NOVA1: variants seen among roughly 807,000 people sequenced by gnomAD.
NOVA1 encodes the protein RNA-binding protein Nova-1.
In NOVA1, 7 loss-of-function variants were observed where a neutral mutation model predicts 38.0. That is an observed-to-expected ratio of 0.18 (90% CI 0.10 to 0.35). The LOEUF is 0.35. NOVA1 is among the 10% of genes least tolerant of loss of function. The pLI is 1.00. For synonymous variants in NOVA1, 270 were observed against 232.5 expected (o/e 1.16, Z -1.47); for missense variants, 460 against 616.0 (o/e 0.75, Z 2.68).
intron 2 of NOVA1, among the ~76,000 whole-genome samples, chr14:26,555,427 T>G (rs1891421119): frequency 6.6e-6 from 1 of 152,122 alleles, no homozygotes; most frequent in South Asian, 2.1e-4. Context: ...AATGTTCTCA[T>G]TCATTTAACA....
rs1881816020 is a variant in NOVA1 at position 26,443,151 on chromosome 14, G to C, written c.*4808C>G. 6.6e-6 allele frequency: 1 copy of C among 151,930 alleles called. No homozygotes were observed. Among genetic ancestry groups the C allele is most frequent in the South Asian group, 2.1e-4 (1 of 4,822 alleles). The allele number at this position is 151,930 out of a possible 1,614,324, so 9.4% of individuals were successfully genotyped here. A position where few individuals can be genotyped will look rare whatever the true frequency, so the allele number is the denominator to read the frequency against. ...ACAAATACAAATATGCATTTCTACA[G>C]AACTGTTTTAATTTTCCAAAATGAG... On this transcript the variant is annotated 3_prime_UTR_variant, in exon 5 of 5. Transcript: ENST00000539517.
At chr14:26,485,424 G>A (rs1885807746) in intron 2 of NOVA1, among the ~76,000 whole-genome samples, 1 of 151,992 alleles carries the variant, frequency 6.6e-6, no homozygotes, top group Non-Finnish European at 1.5e-5. Context: ...AGGGCACGTG[G>A]TAAAAGTTTT....
chr14:26,460,554 G>C (rs919065169), intron 4 of NOVA1, among the ~76,000 whole-genome samples: 1 of 151,578 alleles, frequency 6.6e-6, no homozygotes, highest in Admixed American at 6.6e-5. Context: ...TAAGAAATAT[G>C]AGCTAAACCA....
intron 2 of NOVA1, among the ~76,000 whole-genome samples, chr14:26,483,385 G>A (rs1009239811): frequency 1.3e-5 from 2 of 152,006 alleles, no homozygotes; most frequent in African/African-American, 4.8e-5. Flanking sequence ...CCCATCAGTA[G>A]GAAATATGTT....
At chr14:26,506,394 G>C (rs1452603650) in intron 2 of NOVA1, among the ~76,000 whole-genome samples, 1 of 152,090 alleles carries the variant, frequency 6.6e-6, no homozygotes, top group Non-Finnish European at 1.5e-5. Flanking sequence ...GACAAACTTG[G>C]GGAACAGATT....
At chr14:26,485,803 A>C (rs770798804) in intron 2 of NOVA1, among the ~76,000 whole-genome samples, 24 of 152,172 alleles carry the variant, frequency 1.6e-4, no homozygotes, top group Non-Finnish European at 2.8e-4. Context: ...ATAATTATTT[A>C]GGAAATATTA....
intron 2 of NOVA1, among the ~76,000 whole-genome samples, chr14:26,511,505 T>C (rs576232399): frequency 4.6e-5 from 7 of 152,106 alleles, no homozygotes; most frequent in Non-Finnish European, 1.0e-4. Context: ...CGGTGACTCA[T>C]GCCTGTAATC....
At chr14:26,490,855 T>G (rs1396382271) in intron 2 of NOVA1, among the ~76,000 whole-genome samples, 1 of 143,796 alleles carries the variant, frequency 7.0e-6, no homozygotes, top group Non-Finnish European at 1.5e-5. Flanking sequence ...TTTTTTTTTT[T>G]TTTTTTTTTT....
chr14:26,572,725 A>AGTGTGTGTGTGTGT (rs56021646), intron 2 of NOVA1, among the ~76,000 whole-genome samples: 2,911 of 138,494 alleles, frequency 0.021, 62 homozygotes, highest in Middle Eastern at 0.067. Context: ...AAGGAACCGC[A>AGTGTGTGTGTGTGT]GTGTGTGTGT....
intron 2 of NOVA1, among the ~76,000 whole-genome samples, chr14:26,561,651 T>C (rs1891833776): frequency 6.6e-6 from 1 of 152,202 alleles, no homozygotes; most frequent in African/African-American, 2.4e-5. Flanking sequence ...GTATTGAACA[T>C]AGTTTTTTTA....
chr14:26,473,352 AT>A (rs1884739147), intron 3 of NOVA1, among the ~76,000 whole-genome samples: 2 of 151,944 alleles, frequency 1.3e-5, no homozygotes, highest in South Asian at 4.1e-4. Flanking sequence ...GCAAAATAGC[AT>A]TGCTTATGTT....
chr14:26,533,773 T>C (rs1889884900), intron 2 of NOVA1, among the ~76,000 whole-genome samples: 1 of 152,180 alleles, frequency 6.6e-6, no homozygotes, highest in South Asian at 2.1e-4. Context: ...TATCTTTGCA[T>C]GCACAGCACC....
At chr14:26,548,809 A>C (rs1173162497) in intron 2 of NOVA1, among the ~76,000 whole-genome samples, 2 of 99,092 alleles carry the variant, frequency 2.0e-5, no homozygotes, top group African/African-American at 5.0e-5. Context: ...CAAATGTTAA[A>C]GAAAAAAAAA....
In NOVA1 at chr14:26,597,402, G is replaced by A; in HGVS notation, c.35C>T (p.Thr12Ile). ...MAAAPIQQNG[T>I]HTGVPIDLDP... ...CAGGTCTATGGGAACCCCAGTGTGGGTCCCGTTCTGCTGGATGGGAGCTGC... is the reference window on the plus strand; with the variant it reads ...CAGGTCTATGGGAACCCCAGTGTGGATCCCGTTCTGCTGGATGGGAGCTGC... Residue 12 changes from threonine to isoleucine, a missense_variant, in exon 1 of 5, where the codon ACC becomes ATC. Thr to Ile is a moderately conservative substitution (Grantham distance 89). Transcript: ENST00000539517. 1 of 1,283,874 alleles carries A rather than the reference G, an allele frequency of 7.8e-7. No homozygotes were observed. The highest frequency in any genetic ancestry group is 9.9e-7 in the Non-Finnish European group (1 of 1,007,310). The allele number at this position is 1,283,874 out of a possible 1,614,324, so 79.5% of individuals were successfully genotyped here.
chr14:26,596,524 T>C (rs1459324152), intron 1 of NOVA1: 1 of 1,287,300 alleles, frequency 7.8e-7, no homozygotes, highest in Admixed American at 2.3e-5. Flanking sequence ...GGTGTGCCAC[T>C]CAAAAGACCC....
intron 2 of NOVA1, among the ~76,000 whole-genome samples, chr14:26,556,680 C>T (rs1165318933): frequency 1.3e-5 from 2 of 152,072 alleles, no homozygotes; most frequent in African/African-American, 4.8e-5. Flanking sequence ...AACTTCTGCT[C>T]TGTGGAAAAC....
chr14:26,470,264 T>C lies in NOVA1; in HGVS notation c.519+2056A>G, dbSNP rs1342156238. The C allele has an allele frequency of 3.2e-6, 4 of 1,267,016 alleles. No homozygotes were observed. In the East Asian group the frequency reaches 1.1e-4, roughly 35 times the overall value. The allele number at this position is 1,267,016 out of a possible 1,614,324, so 78.5% of individuals were successfully genotyped here. ...CAGATATAAGTCAGTATAGCAAAGC[T>C]AAATTAATCAGGACTATTGACAAGA... On this transcript the variant is annotated intron_variant, in intron 4 of 4. Coordinates refer to ENST00000539517, the MANE Select transcript of NOVA1 (RefSeq NM_002515.3).
At chr14:26,506,791 GCTGGTCTC>G (rs1887668374) in intron 2 of NOVA1, among the ~76,000 whole-genome samples, 1 of 151,988 alleles carries the variant, frequency 6.6e-6, no homozygotes. Context: ...TGTTGGCCAG[GCTGGTCTC>G]AAACTCCTGA....
chr14:26,578,816 T>C (rs1893024520), intron 2 of NOVA1, among the ~76,000 whole-genome samples: 1 of 152,122 alleles, frequency 6.6e-6, no homozygotes, highest in Non-Finnish European at 1.5e-5. Context: ...AAGACAGTGA[T>C]AACCTTTAGT....
Sources: allele counts gnomAD v4.1 joint callset (sites outside exome capture counted in the v4.1 genomes callset), GRCh38; gene constraint gnomAD v4.1.1; transcripts MANE v1.5; gene names NCBI Gene and HGNC (gene_info 2026-07-23, HGNC 2026-07-21).